The following CPA5 variants were observed in gnomAD, a reference collection of about 807,000 sequenced individuals.
CPA5 encodes carboxypeptidase A5, also known as testicular tissue protein Li 32.
A neutral mutation model predicts 52.2 loss-of-function variants in CPA5; 38 were observed. That is an observed-to-expected ratio of 0.73 (90% CI 0.56 to 0.95). The LOEUF is 0.95. Among genes scored for constraint, CPA5 ranks in the 40% least tolerant of loss-of-function variants. The pLI is 0.00. For synonymous variants in CPA5, 198 were observed against 213.7 expected (o/e 0.93, Z 0.64); for missense variants, 519 against 566.7 (o/e 0.92, Z 0.86).
At chr7:130,351,820 C>A (rs370746401) in intron 5 of CPA5, among the ~76,000 whole-genome samples, 3 of 152,234 alleles carry the variant, frequency 2.0e-5, no homozygotes, top group South Asian at 4.1e-4. Context: ...CTCTGGATCC[C>A]CTCAGCCAAG....
Position 130,359,632 on chromosome 7 carries a change from G to C in CPA5, c.377G>C (p.Arg126Pro). The C allele has an allele frequency of 6.3e-7, 1 of 1,582,116 alleles. No homozygotes were observed. The highest frequency in any genetic ancestry group is 8.6e-7 in the Non-Finnish European group (1 of 1,163,964). Residue 126 changes from arginine (R) to proline (P), a missense_variant, in exon 6 of 13, where the codon CGG becomes CCG. Arg to Pro is a moderately radical substitution (Grantham distance 103, BLOSUM62 -2). Coordinates refer to ENST00000474905, the MANE Select transcript of CPA5 (RefSeq NM_080385.5). ...EERQAMAKSRRLERSTNSFSY... is the reference protein window; with the variant it reads ...EERQAMAKSRPLERSTNSFSY... ...AGACAGGCCATGGCGAAATCCCGCC[G>C]GCTGGAGCGCAGCACCAACAGCTTC...
chr7:130,359,546 C>T, intron 5 of CPA5, 43 bp from the exon 6 acceptor site: 2 of 1,454,524 alleles, frequency 1.4e-6, no homozygotes, highest in East Asian at 4.9e-5. Flanking sequence ...ATAGCCAGCC[C>T]AGCTCTCCCC....
rs900555791 is a variant in CPA5 at position 130,350,096 on chromosome 7, T to C, written c.320T>C (p.Ile107Thr). ...CATGGACTTGCTTACAGCATCATGA[T>C]AAAGGACATCCAGGTGAAGCCCTGC... is the stretch of plus-strand genomic sequence containing the variant. Reference protein sequence around the residue: ...ESHGLAYSIMIKDIQVLLDEE... With the variant: ...ESHGLAYSIMTKDIQVLLDEE... The change falls in exon 5 of 13, where the codon ATA (isoleucine) becomes ACA (threonine). Residue 107 changes from isoleucine to threonine, a missense_variant. Coordinates refer to ENST00000474905, the MANE Select transcript of CPA5 (RefSeq NM_080385.5). 1 of 1,612,440 alleles carries C rather than the reference T, an allele frequency of 6.2e-7. No individual in the cohort carries two copies. The highest frequency in any genetic ancestry group is 1.1e-5 in the South Asian group (1 of 90,732).
intron 5 of CPA5, among the ~76,000 whole-genome samples, chr7:130,350,334 C>T (rs529060040): frequency 3.9e-5 from 6 of 152,204 alleles, no homozygotes; most frequent in Admixed American, 6.5e-5. Flanking sequence ...GTGGAGAGGA[C>T]GCCTGTGATG....
downstream of CPA5, among the ~76,000 whole-genome samples, chr7:130,369,665 G>T (rs1796272023): frequency 6.6e-6 from 1 of 152,000 alleles, no homozygotes; most frequent in Admixed American, 6.6e-5. Context: ...GTGTGCACGT[G>T]TGTGCATGTG....
chr7:130,361,324 T>A, intron 7 of CPA5, 80 bp downstream of exon 7: 1 of 999,118 alleles, frequency 1.0e-6, no homozygotes, highest in Non-Finnish European at 1.6e-6. Context: ...GGGTAGTGGC[T>A]GGGCGGGAGT....
intron 5 of CPA5, among the ~76,000 whole-genome samples, chr7:130,353,620 C>T (rs1367862100): frequency 6.6e-6 from 1 of 152,156 alleles, no homozygotes; most frequent in Non-Finnish European, 1.5e-5. Flanking sequence ...CATTCTTGAC[C>T]CCTTCCTCAA....
chr7:130,347,119 C>T (rs1217160063), intron 3 of CPA5, among the ~76,000 whole-genome samples: 2 of 152,162 alleles, frequency 1.3e-5, no homozygotes, highest in African/African-American at 2.4e-5. Flanking sequence ...GGAGACACAG[C>T]GAGCGTAGAG....
At chr7:130,368,786 C>T (rs965250836), downstream of CPA5, 12 of 594,114 alleles carry the variant, frequency 2.0e-5, no homozygotes, top group South Asian at 1.8e-4. Context: ...GACAAGGGGA[C>T]GAGAGGCTGC....
rs1367675977 is a variant in CPA5 at position 130,346,423 on chromosome 7, T to C, written c.-63T>C. Reference sequence around the variant, plus strand: ...GCTTTCCAGCCTCTAGGTGCTGTGCTGTCCTGAGGCCTGGGCCATGGTGCC... The same window carrying C: ...GCTTTCCAGCCTCTAGGTGCTGTGCCGTCCTGAGGCCTGGGCCATGGTGCC... On this transcript the variant is annotated 5_prime_UTR_variant, in exon 3 of 13. Transcript: ENST00000474905. 8.1e-7 allele frequency: 1 copy of C among 1,237,528 alleles called. No individual in the cohort carries two copies. The highest frequency in any genetic ancestry group is 1.5e-5 in the African/African-American group (1 of 67,614). 76.7% of individuals were successfully genotyped at this position (1,237,528 alleles called of 1,614,324 possible). A position where few individuals can be genotyped will look rare whatever the true frequency, so the allele number is the denominator to read the frequency against.
intron 10 of CPA5, among the ~76,000 whole-genome samples, chr7:130,363,999 A>G (rs1277391496): frequency 6.6e-6 from 1 of 152,074 alleles, no homozygotes; most frequent in African/African-American, 2.4e-5. Context: ...AATAGTTTCA[A>G]GTGTCCAATA....
At position 130,362,882 on chromosome 7, in the gene CPA5, A is replaced by G; in HGVS notation, c.637-2A>G. ...CCCATCCCTCCTCACTCTTTCTTGC[A>G]GATTGTCAGTGATTATGGCAAAGAC... On this transcript the variant is annotated splice_acceptor_variant, in intron 8 of 12. Transcript: ENST00000474905. LOFTEE classifies it high-confidence loss of function. 1 of 1,602,860 alleles carries G rather than the reference A, an allele frequency of 6.2e-7. No individual in the cohort carries two copies. The highest frequency in any genetic ancestry group is 8.5e-7 in the Non-Finnish European group (1 of 1,170,206).
Position 130,350,389 on chromosome 7 carries a change from C to T in CPA5, c.333+280C>T, listed in dbSNP as rs530898997. Among the ~76,000 whole-genome samples, 12 of 152,194 alleles carry T rather than the reference C, an allele frequency of 7.9e-5. No homozygotes were observed. The South Asian group carries it at 1.0e-3, about 13-fold the overall frequency. ...TTGCAGCTAATAAACAGCAAAGGTG[C>T]GGGGAGAAGGGAGACAGGAGGATGT... On this transcript the variant is annotated intron_variant, in intron 5 of 12. Coordinates refer to ENST00000474905, the MANE Select transcript of CPA5 (RefSeq NM_080385.5).
At chr7:130,354,654 T>A (rs1554404788) in intron 5 of CPA5, among the ~76,000 whole-genome samples, 1 of 152,146 alleles carries the variant, frequency 6.6e-6, no homozygotes, top group African/African-American at 2.4e-5. Context: ...CCTCAAGTGA[T>A]CCACCTGCCT....
intron 10 of CPA5, among the ~76,000 whole-genome samples, chr7:130,364,089 G>A (rs1204164030): frequency 1.3e-5 from 2 of 152,146 alleles, no homozygotes; most frequent in African/African-American, 4.8e-5. Flanking sequence ...GTGCAGTGGT[G>A]TGATCATGGC....
At position 130,358,772 on chromosome 7, in the gene CPA5, C is replaced by A. The variant is rs191502873; in HGVS notation, c.334-817C>A. On this transcript the variant is annotated intron_variant, in intron 5 of 12. Coordinates refer to ENST00000474905, the MANE Select transcript of CPA5 (RefSeq NM_080385.5). Reference sequence around the variant, plus strand: ...CTAGCTCATCTCACTGTGACCCAAGCAGAGAAAAATGTCCCAAGATTATGT... The same window carrying A: ...CTAGCTCATCTCACTGTGACCCAAGAAGAGAAAAATGTCCCAAGATTATGT... Among the ~76,000 whole-genome samples, 87 of 152,240 alleles carry A rather than the reference C, an allele frequency of 5.7e-4. 1 individual carries two copies. The highest frequency in any genetic ancestry group is 2.0e-3 in the African/African-American group (83 of 41,544).
chr7:130,370,889 G>A (rs117396793), downstream of CPA5, among the ~76,000 whole-genome samples: 5 of 152,194 alleles, frequency 3.3e-5, no homozygotes, highest in East Asian at 3.8e-4. Context: ...CCTGCCTCCC[G>A]GGAAGAATAT....
At chr7:130,346,683 T>G in intron 3 of CPA5, 82 bp downstream of exon 3, 8 of 1,072,510 alleles carry the variant, frequency 7.5e-6, no homozygotes, top group Non-Finnish European at 7.1e-6. Flanking sequence ...GCTGCCCTGC[T>G]GGTGCCTGAT....
chr7:130,369,742 A>T (rs1463262000), downstream of CPA5, among the ~76,000 whole-genome samples: 1 of 152,206 alleles, frequency 6.6e-6, no homozygotes, highest in Non-Finnish European at 1.5e-5. Context: ...GAGGGCACGG[A>T]GACAGGGAAG....
Sources: allele counts gnomAD v4.1 joint callset (sites outside exome capture counted in the v4.1 genomes callset), GRCh38; gene constraint gnomAD v4.1.1; transcripts MANE v1.5; gene names NCBI Gene and HGNC (gene_info 2026-07-23, HGNC 2026-07-21).